The following DLG5 variants were observed in gnomAD, a reference collection of about 807,000 sequenced individuals.
DLG5 encodes the protein discs large MAGUK scaffold protein 5, also known as disks large homolog 5.
In DLG5, 48 loss-of-function variants were observed where a neutral mutation model predicts 189.8. The ratio of observed to expected loss-of-function variants is 0.25; its 90% CI spans 0.20 to 0.32. The LOEUF is 0.32. Ranked by LOEUF, DLG5 falls within the 10% of genes least tolerant of loss-of-function variation. The pLI, the probability that DLG5 is intolerant of heterozygous loss-of-function variation, is 1.00. For missense variants in DLG5, 2,160 were observed against 2,544.7 expected, an observed-to-expected ratio of 0.85 and a Z score of 3.25; for synonymous variants, 1,016 against 1,054.1, an observed-to-expected ratio of 0.96 and a Z score of 0.70.
chr10:77,841,966 G>A lies in DLG5; in HGVS notation c.1352C>T (p.Thr451Ile). The part of the protein sequence containing the change: ...QVISELDKLQ[T>I]EVELAESKLK... ...CTTGGACTCGGCCAGCTCCACTTCG[G>A]TCTGCAGCTTGTCCAGCTCAGAGAT... Residue 451 changes from threonine to isoleucine, a missense_variant, in exon 7 of 32, where the codon ACC (threonine) becomes ATC (isoleucine). By Grantham distance (89) the Thr-to-Ile change is moderately conservative. This residue lies in a region of DLG5 where 664 missense variants were observed against 838.5 expected (regional missense o/e 0.79). Transcript: ENST00000372391. The A allele has an allele frequency of 6.2e-7, 1 of 1,614,178 alleles. No homozygotes were observed. Among genetic ancestry groups the A allele is most frequent in the Non-Finnish European group, 8.5e-7 (1 of 1,180,044 alleles).
chr10:77,904,310 T>C (rs1846012747), intron 1 of DLG5, among the ~76,000 whole-genome samples: 1 of 152,122 alleles, frequency 6.6e-6, no homozygotes, highest in African/African-American at 2.4e-5. Context: ...GAACTGTTCA[T>C]AGGCGGAAGG....
chr10:77,898,169 T>C (rs1355423785), intron 1 of DLG5, among the ~76,000 whole-genome samples: 1 of 152,222 alleles, frequency 6.6e-6, no homozygotes, highest in African/African-American at 2.4e-5. Context: ...CATGGCTCAC[T>C]TGGCCACCAC....
intron 1 of DLG5, among the ~76,000 whole-genome samples, chr10:77,888,397 T>A (rs1382189736): frequency 6.6e-6 from 1 of 152,154 alleles, no homozygotes; most frequent in East Asian, 1.9e-4. Flanking sequence ...TCGGGTGACC[T>A]ACAAGGTCCT....
At chr10:77,844,876 G>A (rs1050666516) in intron 5 of DLG5, among the ~76,000 whole-genome samples, 4 of 152,160 alleles carry the variant, frequency 2.6e-5, no homozygotes, top group African/African-American at 7.2e-5. Context: ...AGAGAGGGGG[G>A]CAGGGTCAAA....
At chr10:77,847,530 A>C (rs1422589126) in intron 5 of DLG5, among the ~76,000 whole-genome samples, 1 of 152,114 alleles carries the variant, frequency 6.6e-6, no homozygotes, top group Non-Finnish European at 1.5e-5. Flanking sequence ...CCTCTGAACA[A>C]AGCTGGGGAA....
At chr10:77,899,226 C>T (rs1382778924) in intron 1 of DLG5, among the ~76,000 whole-genome samples, 2 of 152,204 alleles carry the variant, frequency 1.3e-5, no homozygotes, top group East Asian at 3.9e-4. Context: ...ACTGGGGGAG[C>T]TCAGCACCTC....
In DLG5 at chr10:77,926,344, C is replaced by T; in HGVS notation, c.177G>A (p.Leu59=). The T allele has an allele frequency of 1.2e-6, 2 of 1,603,296 alleles. No homozygotes were observed. The highest frequency in any genetic ancestry group is 1.7e-6 in the Non-Finnish European group (2 of 1,176,342). ...GGAKAELLLK[L]LLAKERDHFQ... ...AGTGGTCCCGCTCCTTGGCCAAGAG[C>T]AGCTTGAGCAGCAGCTCCGCCTTGG... Residue 59 remains leucine (L), a synonymous_variant, in exon 1 of 32, where the codon CTG becomes CTA. Transcript: ENST00000372391. The surrounding 1 kb of genome is among the most constrained non-coding windows in gnomAD (Gnocchi z 5.2).
intron 2 of DLG5, among the ~76,000 whole-genome samples, chr10:77,862,949 A>C (rs2154576912): frequency 6.6e-6 from 1 of 152,326 alleles, no homozygotes; most frequent in Middle Eastern, 3.4e-3. Flanking sequence ...GTGCAGAGGG[A>C]ATTTTTAAGA....
At chr10:77,922,563 G>A (rs539296034) in intron 1 of DLG5, among the ~76,000 whole-genome samples, 2 of 152,254 alleles carry the variant, frequency 1.3e-5, no homozygotes, top group Non-Finnish European at 1.5e-5. Context: ...AATTGTAGTG[G>A]GAAGGCCTAA....
At chr10:77,924,895 G>C (rs1477393436) in intron 1 of DLG5, among the ~76,000 whole-genome samples, 1 of 152,206 alleles carries the variant, frequency 6.6e-6, no homozygotes, top group Non-Finnish European at 1.5e-5. Flanking sequence ...CAACGTAAGA[G>C]AGCTGTTACC....
Position 77,853,476 on chromosome 10 carries a change from T to G in DLG5, c.742A>C (p.Arg248=), listed in dbSNP as rs1564549884. The G allele has an allele frequency of 6.2e-7, 1 of 1,612,098 alleles. No individual in the cohort carries two copies. Among genetic ancestry groups the G allele is most frequent in the East Asian group, 2.2e-5 (1 of 44,860 alleles). Residue 248 remains arginine (R), a synonymous_variant, in exon 5 of 32, where the codon AGG becomes CGG. Coordinates refer to ENST00000372391, the MANE Select transcript of DLG5 (RefSeq NM_004747.4). ...TRLKDDVDML[R]RENGQLLRER... The stretch of plus-strand genomic sequence containing the variant: ...CGCAGCAGCTGCCCATTCTCCCGCC[T>G]CAGCATGTCCACGTCATCCTTCAGC...
chr10:77,843,012 A>G (rs1843502442), intron 6 of DLG5, among the ~76,000 whole-genome samples: 1 of 152,210 alleles, frequency 6.6e-6, no homozygotes, highest in Non-Finnish European at 1.5e-5. Context: ...CATATATCAC[A>G]TCTCTAAAGA....
chr10:77,797,833 C>T (rs1462169882), intron 27 of DLG5, among the ~76,000 whole-genome samples: 1 of 152,170 alleles, frequency 6.6e-6, no homozygotes, highest in Non-Finnish European at 1.5e-5. Flanking sequence ...TGTGGGCAAA[C>T]TCAGGGAGTA....
At chr10:77,919,052 C>T (rs1445037882) in intron 1 of DLG5, among the ~76,000 whole-genome samples, 1 of 152,002 alleles carries the variant, frequency 6.6e-6, no homozygotes, top group African/African-American at 2.4e-5. Context: ...CCCGTCTCTA[C>T]TAAAAATATA....
At chr10:77,794,635 G>A (rs979938544) in intron 30 of DLG5, among the ~76,000 whole-genome samples, 6 of 152,224 alleles carry the variant, frequency 3.9e-5, no homozygotes, top group African/African-American at 7.2e-5. Flanking sequence ...GCGGAGGGGC[G>A]CGAGGAAGGG....
At chr10:77,927,442 C>T (rs1424868401), upstream of DLG5, 1 of 152,222 alleles carries the variant, frequency 6.6e-6, no homozygotes, top group Non-Finnish European at 1.5e-5. Context: ...AGACCTCCGC[C>T]GAATCCGTGA....
chr10:77,820,754 G>T, intron 15 of DLG5: 1 of 328,952 alleles, frequency 3.0e-6, no homozygotes. Context: ...AGCCTCACAC[G>T]TGCCACCTCA....
rs964205784 is a variant in DLG5, at chr10:77,798,140, C to T, written c.5165-1546G>A. 3.9e-5 allele frequency among the ~76,000 whole-genome samples: 6 copies of T among 152,282 alleles called. No homozygotes were observed. In the East Asian group the frequency reaches 1.2e-3, roughly 29 times the overall value. ...AGGCGGAGGTTGCAGTGAGCCGAGACTGCACCACTGTACTCCAGCCTGGGC... is the reference window on the plus strand; with the variant it reads ...AGGCGGAGGTTGCAGTGAGCCGAGATTGCACCACTGTACTCCAGCCTGGGC... On this transcript the variant is annotated intron_variant, in intron 27 of 31. Coordinates refer to ENST00000372391, the MANE Select transcript of DLG5 (RefSeq NM_004747.4).
At chr10:77,912,477 G>A (rs2131840245) in intron 1 of DLG5, 1 of 152,024 alleles carries the variant, frequency 6.6e-6, no homozygotes, top group Admixed American at 6.6e-5. Context: ...AGAACTCTTG[G>A]GCTCAAGCGA....
Sources: gnomAD v4.1 joint callset for allele counts (sites outside exome capture counted in the v4.1 genomes callset) on GRCh38, gnomAD v4.1.1 for gene constraint, gnomAD v4.1.1 regional missense constraint, Gnocchi (gnomAD v3.1) non-coding constraint, MANE v1.5 for transcripts, NCBI Gene and HGNC (gene_info 2026-07-23, HGNC 2026-07-21) for gene names.